Variants in MTHFD2L observed in about 807,000 individuals in gnomAD.
MTHFD2L encodes methylenetetrahydrofolate dehydrogenase (NADP+ dependent) 2 like, also known as bifunctional methylenetetrahydrofolate dehydrogenase/cyclohydrolase 2, mitochondrial.
MTHFD2L carries 29 observed loss-of-function variants against 34.9 expected under a neutral mutation model. That is an observed-to-expected ratio of 0.83 (90% confidence interval 0.62 to 1.13). The LOEUF (loss-of-function observed/expected upper bound fraction) is 1.13, where lower values mean the gene tolerates loss of function less well. MTHFD2L is among the 50% of genes most tolerant of loss of function. The probability of loss-of-function intolerance (pLI) is 0.00; values close to 1 mark genes in which losing one functional copy is unlikely to be tolerated. For missense variants in MTHFD2L, 481 were observed against 446.5 expected, an observed-to-expected ratio of 1.08 and a Z score of -0.70; for synonymous variants, 167 against 155.7, an observed-to-expected ratio of 1.07 and a Z score of -0.54.
chr4:74,213,532 C>T (rs1008485959), intron 5 of MTHFD2L, among the ~76,000 whole-genome samples: 1 of 152,116 alleles, frequency 6.6e-6, no homozygotes, highest in Non-Finnish European at 1.5e-5. Context: ...TGCCCCTACT[C>T]TCTTCTGGCC....
chr4:74,256,597 C>T (rs1179996433), intron 6 of MTHFD2L, among the ~76,000 whole-genome samples: 1 of 152,158 alleles, frequency 6.6e-6, no homozygotes, highest in Non-Finnish European at 1.5e-5. Flanking sequence ...CAATTTCATC[C>T]TTCTGCATAT....
chr4:74,256,904 C>G (rs746626864), intron 6 of MTHFD2L, among the ~76,000 whole-genome samples: 1 of 152,018 alleles, frequency 6.6e-6, no homozygotes, highest in Non-Finnish European at 1.5e-5. Context: ...ATGCTTCCAG[C>G]TTTGTTCTTT....
chr4:74,222,119 A>G (rs551633191), intron 5 of MTHFD2L, among the ~76,000 whole-genome samples: 1 of 152,092 alleles, frequency 6.6e-6, no homozygotes, highest in South Asian at 2.1e-4. Flanking sequence ...CTGTTATTAC[A>G]TATTAGGCAG....
chr4:74,274,679 T>C (rs550065231), intron 6 of MTHFD2L, among the ~76,000 whole-genome samples: 85 of 152,274 alleles, frequency 5.6e-4, no homozygotes, highest in African/African-American at 1.8e-3. Context: ...GACAGAGCCT[T>C]AGTAGCAGTG....
intron 6 of MTHFD2L, among the ~76,000 whole-genome samples, chr4:74,239,028 A>T (rs948821106): frequency 6.6e-6 from 1 of 152,256 alleles, no homozygotes; most frequent in Admixed American, 6.5e-5. Flanking sequence ...ATAAAGACAC[A>T]TGCACATGTA....
upstream of MTHFD2L, among the ~76,000 whole-genome samples, chr4:74,122,759 T>C (rs1296671578): frequency 6.6e-6 from 1 of 152,212 alleles, no homozygotes; most frequent in Non-Finnish European, 1.5e-5. Context: ...TATCCATCCA[T>C]TTATCCACCC....
At position 74,225,309 on chromosome 4, in the gene MTHFD2L, A is replaced by G; in HGVS notation, c.720A>G (p.Ala240=). 1 of 1,612,010 alleles carries G rather than the reference A, an allele frequency of 6.2e-7. No individual in the cohort carries two copies. The highest frequency in any genetic ancestry group is 8.5e-7 in the Non-Finnish European group (1 of 1,178,808). ...AATTCTTCTGTATTCCAGGTGATGC[A>G]ACTGTGACAATAGCTCACAGATACA... ...DGEHERPGGD[A]TVTIAHRYTP... The change falls in exon 6 of 8, where the codon GCA becomes GCG. Residue 240 remains alanine (A), a synonymous_variant. Coordinates refer to ENST00000325278, the MANE Select transcript of MTHFD2L (RefSeq NM_001144978.3).
At chr4:74,143,299 G>GT in intron 1 of MTHFD2L, 1 of 473,296 alleles carries the variant, frequency 2.1e-6, no homozygotes, top group Non-Finnish European at 2.8e-6. Flanking sequence ...TAGAATTTGA[G>GT]TGTAGAATGG....
chr4:74,190,563 G>A lies in MTHFD2L; in HGVS notation c.452-9231G>A, dbSNP rs1027923006. Reference sequence around the variant, plus strand: ...AGCTCCACTGTGTTCTCAGAATTTGGGGTGGAGTAGCTCAGCGAGGTTAGA... The same window carrying A: ...AGCTCCACTGTGTTCTCAGAATTTGAGGTGGAGTAGCTCAGCGAGGTTAGA... On this transcript the variant is annotated intron_variant, in intron 3 of 7. Coordinates refer to ENST00000325278, the MANE Select transcript of MTHFD2L (RefSeq NM_001144978.3). The A allele has an allele frequency of 1.2e-5, 12 of 977,556 alleles. No homozygotes were observed. The East Asian group carries it at 1.4e-3, about 111-fold the overall frequency. The allele number at this position is 977,556 out of a possible 1,614,324, so 60.6% of individuals were successfully genotyped here.
At chr4:74,244,743 A>G (rs1742176194) in intron 6 of MTHFD2L, among the ~76,000 whole-genome samples, 1 of 152,218 alleles carries the variant, frequency 6.6e-6, no homozygotes, top group Non-Finnish European at 1.5e-5. Context: ...GTGGCTTCAA[A>G]TTCTACATTG....
rs116514933 is a variant in MTHFD2L at position 74,181,527 on chromosome 4, C to T, written c.451+6124C>T. Among the ~76,000 whole-genome samples, 736 of 152,202 alleles carry T rather than the reference C, an allele frequency of 4.8e-3. 9 individuals carry two copies. Among genetic ancestry groups the T allele is most frequent in the African/African-American group, 0.017 (711 of 41,516 alleles). ...CAAGAGAACCAAGTGTAGCATCCTT[C>T]GTACCATAGTCACAGTCCTACAGCA... On this transcript the variant is annotated intron_variant, in intron 3 of 7. Transcript: ENST00000325278.
At chr4:74,149,852 T>A (rs545820184) in intron 1 of MTHFD2L, among the ~76,000 whole-genome samples, 2 of 152,346 alleles carry the variant, frequency 1.3e-5, no homozygotes, top group African/African-American at 2.4e-5. Context: ...TGTGAATATA[T>A]CACCTTACAT....
intron 3 of MTHFD2L, among the ~76,000 whole-genome samples, chr4:74,184,096 A>T (rs755124694): frequency 2.1e-4 from 32 of 152,354 alleles, no homozygotes; most frequent in Admixed American, 3.9e-4. Context: ...TAATAAGCCA[A>T]CAGATAAGAA....
At chr4:74,175,021 A>G (rs1486868151) in intron 2 of MTHFD2L, among the ~76,000 whole-genome samples, 2 of 152,188 alleles carry the variant, frequency 1.3e-5, no homozygotes, top group African/African-American at 4.8e-5. Context: ...GTTGCATGGT[A>G]GTGATATTTT....
upstream of MTHFD2L, among the ~76,000 whole-genome samples, chr4:74,124,556 T>G (rs1174679080): frequency 6.6e-6 from 1 of 151,940 alleles, no homozygotes; most frequent in Non-Finnish European, 1.5e-5. Context: ...GAAAGGAAAT[T>G]AATTTCAAGG....
chr4:74,259,427 C>T (rs1480785314), intron 6 of MTHFD2L, among the ~76,000 whole-genome samples: 1 of 152,180 alleles, frequency 6.6e-6, no homozygotes, highest in Non-Finnish European at 1.5e-5. Flanking sequence ...TTCATCCTCA[C>T]TCCACTCCTC....
chr4:74,200,924 C>T (rs964659940), intron 4 of MTHFD2L, among the ~76,000 whole-genome samples: 13 of 152,054 alleles, frequency 8.5e-5, no homozygotes, highest in East Asian at 1.9e-4. Flanking sequence ...CAATTAAGTT[C>T]GACATTGTTG....
At chr4:74,214,041 G>C (rs978932909) in intron 5 of MTHFD2L, among the ~76,000 whole-genome samples, 1 of 151,692 alleles carries the variant, frequency 6.6e-6, no homozygotes, top group Middle Eastern at 3.2e-3. Flanking sequence ...TTCTCGTGCT[G>C]TGTTTTTCAG....
intron 6 of MTHFD2L, among the ~76,000 whole-genome samples, chr4:74,277,198 G>A (rs563709346): frequency 2.0e-5 from 3 of 149,900 alleles, no homozygotes; most frequent in Admixed American, 6.7e-5. Flanking sequence ...ATAAACAGAA[G>A]CCTAGAATCC....
Sources: allele counts gnomAD v4.1 joint callset (sites outside exome capture counted in the v4.1 genomes callset), GRCh38; gene constraint gnomAD v4.1.1; transcripts MANE v1.5; gene names NCBI Gene and HGNC (gene_info 2026-07-23, HGNC 2026-07-21).